The following KLHL7 variants were observed in gnomAD, a reference collection of about 807,000 sequenced individuals.
KLHL7 encodes the protein kelch like family member 7.
In KLHL7, 44 loss-of-function variants were observed where a neutral mutation model predicts 67.4. That is an observed-to-expected ratio of 0.65 (90% CI 0.51 to 0.84). The LOEUF (loss-of-function observed/expected upper bound fraction) is 0.84, where lower values mean the gene tolerates loss of function less well. Among genes scored for constraint, KLHL7 ranks in the 40% least tolerant of loss-of-function variants. The probability of loss-of-function intolerance (pLI) is 0.00; values close to 1 mark genes in which losing one functional copy is unlikely to be tolerated. For synonymous variants in KLHL7, 252 were observed against 243.3 expected, an observed-to-expected ratio of 1.04 and a Z score of -0.33; for missense variants, 362 against 718.1, an observed-to-expected ratio of 0.50 and a Z score of 5.67.
intron 4 of KLHL7, among the ~76,000 whole-genome samples, chr7:23,136,452 GC>G (rs1783978455): frequency 6.6e-6 from 1 of 152,192 alleles, no homozygotes; most frequent in Non-Finnish European, 1.5e-5. Flanking sequence ...TCATAGCATT[GC>G]CCAGAAATCT....
intron 4 of KLHL7, 160 bp downstream of exon 4, chr7:23,125,332 G>A (rs1384844455): frequency 3.0e-6 from 2 of 669,004 alleles, no homozygotes; most frequent in African/African-American, 1.8e-5. Context: ...GGCTTAGAGA[G>A]ATGCATATTA....
At chr7:23,125,872 C>T in intron 4 of KLHL7, 2 of 1,548,986 alleles carry the variant, frequency 1.3e-6, no homozygotes, top group African/African-American at 1.4e-5. Context: ...AGTAGCCCAC[C>T]CTTATCTGCA....
intron 5 of KLHL7, 81 bp from the exon 6 acceptor site, chr7:23,143,770 C>G: frequency 7.3e-7 from 1 of 1,375,372 alleles, no homozygotes; most frequent in Non-Finnish European, 1.0e-6. Flanking sequence ...AGGTTCTCTC[C>G]CTTCAATATG....
At chr7:23,170,195 C>G (rs933389264) in intron 9 of KLHL7, among the ~76,000 whole-genome samples, 1 of 152,242 alleles carries the variant, frequency 6.6e-6, no homozygotes, top group Middle Eastern at 3.4e-3. Flanking sequence ...GCCAGGGCAA[C>G]AAGAGCGAAA....
Position 23,140,728 on chromosome 7 carries a change from A to T in KLHL7, c.443-41A>T, listed in dbSNP as rs111594670. The T allele has an allele frequency of 7.6e-4, 1,206 of 1,580,124 alleles. 7 individuals are homozygous for T. In the African/African-American group the frequency reaches 0.012, roughly 16 times the overall value. On this transcript the variant is annotated intron_variant, in intron 4 of 10. Coordinates refer to ENST00000339077, the MANE Select transcript of KLHL7 (RefSeq NM_001031710.3). ...TCTTGAATGTATACTTGGTTTTTCT[A>T]AAAATGATTTTCTATTCTTTTATTT...
At chr7:23,130,297 C>T (rs1783751953) in intron 4 of KLHL7, among the ~76,000 whole-genome samples, 1 of 152,122 alleles carries the variant, frequency 6.6e-6, no homozygotes, top group South Asian at 2.1e-4. Flanking sequence ...ATTTCTAGCC[C>T]TGTGGAACAT....
rs751309452 is a variant in KLHL7 at position 23,143,830 on chromosome 7, T to G, written c.619-21T>G. 4 of 1,613,164 alleles carry G rather than the reference T, an allele frequency of 2.5e-6. No homozygotes were observed. In the South Asian group the frequency reaches 3.3e-5, roughly 13 times the overall value. Reference sequence around the variant, plus strand: ...TGTTGCTGTCTTCTAAGAACTTTACTGTGCTGTTTTTCCCCCTTAGGTTTA... The same window carrying G: ...TGTTGCTGTCTTCTAAGAACTTTACGGTGCTGTTTTTCCCCCTTAGGTTTA... On this transcript the variant is annotated intron_variant, in intron 5 of 10. Coordinates refer to ENST00000339077, the MANE Select transcript of KLHL7 (RefSeq NM_001031710.3).
At chr7:23,139,840 A>G (rs917773965) in intron 4 of KLHL7, among the ~76,000 whole-genome samples, 5 of 152,010 alleles carry the variant, frequency 3.3e-5, no homozygotes, top group African/African-American at 4.8e-5. Flanking sequence ...GGCTTTATGG[A>G]CCACATGTGG....
intron 4 of KLHL7, among the ~76,000 whole-genome samples, chr7:23,135,290 G>A (rs1783937670): frequency 6.6e-6 from 1 of 152,084 alleles, no homozygotes; most frequent in Non-Finnish European, 1.5e-5. Context: ...TGTGGTCAGG[G>A]GAGATGCTTG....
intron 6 of KLHL7, among the ~76,000 whole-genome samples, chr7:23,147,646 G>A (rs1398436291): frequency 1.3e-5 from 2 of 152,108 alleles, no homozygotes; most frequent in Non-Finnish European, 2.9e-5. Context: ...GGCTTAGGTT[G>A]TGTCTTCTGT....
At chr7:23,160,344 C>CTT (rs1192735245) in intron 7 of KLHL7, among the ~76,000 whole-genome samples, 2 of 152,196 alleles carry the variant, frequency 1.3e-5, no homozygotes, top group Non-Finnish European at 2.9e-5. Context: ...CCATGTCATG[C>CTT]TTACTCAACT....
rs75494669 is a variant in KLHL7 at position 23,112,277 on chromosome 7, A to G, written c.120+6131A>G. ...TCACTGAGAAAGGAGGTATTGGAAAAGGATCAAAGCATTGGGGAAAGGATT... is the reference window on the plus strand; with the variant it reads ...TCACTGAGAAAGGAGGTATTGGAAAGGGATCAAAGCATTGGGGAAAGGATT... On this transcript the variant is annotated intron_variant, in intron 1 of 10. Coordinates refer to ENST00000339077, the MANE Select transcript of KLHL7 (RefSeq NM_001031710.3). 1.4e-4 allele frequency among the ~76,000 whole-genome samples: 21 copies of G among 152,344 alleles called. No homozygotes were observed. The East Asian group carries it at 3.7e-3, about 27-fold the overall frequency.
chr7:23,146,910 T>C (rs1307978874), intron 6 of KLHL7, among the ~76,000 whole-genome samples: 3 of 152,148 alleles, frequency 2.0e-5, no homozygotes, highest in Admixed American at 1.3e-4. Context: ...GTTTCTCTTC[T>C]ACTTCATTCT....
intron 9 of KLHL7, among the ~76,000 whole-genome samples, chr7:23,168,879 T>C (rs1457631579): frequency 6.6e-6 from 1 of 152,230 alleles, no homozygotes; most frequent in Non-Finnish European, 1.5e-5. Flanking sequence ...GCATCAAAAC[T>C]CTCGTGCTTA....
intron 4 of KLHL7, among the ~76,000 whole-genome samples, chr7:23,125,400 G>T (rs1783530362): frequency 6.6e-6 from 1 of 152,116 alleles, no homozygotes; most frequent in African/African-American, 2.4e-5. Flanking sequence ...AACACAAAAT[G>T]GCATTTTTAA....
At chr7:23,135,818 T>G (rs1168143117) in intron 4 of KLHL7, among the ~76,000 whole-genome samples, 1 of 152,156 alleles carries the variant, frequency 6.6e-6, no homozygotes, top group Admixed American at 6.5e-5. Flanking sequence ...ATAAAAGAAT[T>G]TACAGGCTTT....
In KLHL7 at chr7:23,162,367, C is replaced by T. The variant is rs901695271; in HGVS notation, c.937-3331C>T. 4.9e-4 allele frequency among the ~76,000 whole-genome samples: 74 copies of T among 152,162 alleles called. 1 individual carries two copies. Among genetic ancestry groups the T allele is most frequent in the African/African-American group, 1.7e-3 (69 of 41,514 alleles). On this transcript the variant is annotated intron_variant, in intron 7 of 10. Coordinates refer to ENST00000339077, the MANE Select transcript of KLHL7 (RefSeq NM_001031710.3). ...TGTTTTAAAATATCTCAGCATAGTT[C>T]CTGGAAAGGTAAGTACTCAATAACT...
intron 4 of KLHL7, among the ~76,000 whole-genome samples, chr7:23,137,545 C>G (rs1784022471): frequency 6.8e-6 from 1 of 148,106 alleles, no homozygotes; most frequent in Non-Finnish European, 1.5e-5. Context: ...GTGGTGTGAT[C>G]TCGGCTCACT....
intron 9 of KLHL7, among the ~76,000 whole-genome samples, chr7:23,172,419 C>A (rs1785190422): frequency 6.6e-6 from 1 of 152,096 alleles, no homozygotes; most frequent in African/African-American, 2.4e-5. Flanking sequence ...GCATAAAGTT[C>A]TTAGTGTAGA....
Sources: gnomAD v4.1 joint callset for allele counts (sites outside exome capture counted in the v4.1 genomes callset) on GRCh38, gnomAD v4.1.1 for gene constraint, MANE v1.5 for transcripts, NCBI Gene and HGNC (gene_info 2026-07-23, HGNC 2026-07-21) for gene names.